Variants in HSPG2 observed in about 807,000 individuals in gnomAD.
HSPG2 encodes the protein heparan sulfate proteoglycan 2, also known as basement membrane-specific heparan sulfate proteoglycan core protein.
A neutral mutation model predicts 526.6 loss-of-function variants in HSPG2; 278 were observed. The observed-to-expected ratio is 0.53, with a 90% CI of 0.48 to 0.58. The LOEUF is 0.58. HSPG2 is among the 20% of genes least tolerant of loss of function. The pLI, the probability that HSPG2 is intolerant of heterozygous loss-of-function variation, is 0.00. For synonymous variants in HSPG2, 2,465 were observed against 2,555.4 expected, an observed-to-expected ratio of 0.96 and a Z score of 1.07; for missense variants, 5,354 against 6,099.5, an observed-to-expected ratio of 0.88 and a Z score of 4.07.
chr1:21,919,967 C>T (rs1405882322), intron 1 of HSPG2, among the ~76,000 whole-genome samples: 1 of 152,170 alleles, frequency 6.6e-6, no homozygotes, highest in Non-Finnish European at 1.5e-5. Flanking sequence ...AGTGCAGTGG[C>T]ACAATCTTGG....
At position 21,879,017 on chromosome 1, in the gene HSPG2, G is replaced by A. The variant is rs752512173; in HGVS notation, c.2448C>T (p.Cys816=). The A allele has an allele frequency of 4.3e-6, 7 of 1,613,952 alleles. No homozygotes were observed. The highest frequency in any genetic ancestry group is 2.2e-5 in the South Asian group (2 of 91,074). ...ATATSCRPCP[C]PYIDASRRFS... ...ACCTGCGGGAGGCATCGATGTATGGGCAAGGGCAGGGCCGGCAGGAAGTGG... is the reference window on the plus strand; with the variant it reads ...ACCTGCGGGAGGCATCGATGTATGGACAAGGGCAGGGCCGGCAGGAAGTGG... The change falls in exon 18 of 97, where the codon TGC becomes TGT. Residue 816 remains cysteine (C), a synonymous_variant. Transcript: ENST00000374695.
At chr1:21,846,632 C>T (rs765050437) in intron 62 of HSPG2, 33 bp from the exon 63 acceptor site, 17 of 1,612,980 alleles carry the variant, frequency 1.1e-5, no homozygotes, top group Admixed American at 8.3e-5. Context: ...GTCGGCACAG[C>T]CGTTGTCAGA....
At chr1:21,844,078 T>A in intron 65 of HSPG2, 70 bp downstream of exon 65, 1 of 1,588,980 alleles carries the variant, frequency 6.3e-7, no homozygotes, top group South Asian at 1.1e-5. Context: ...CCACTTTCCC[T>A]TCAACGCTGG....
Position 21,937,197 on chromosome 1 carries a change from G to T in HSPG2, c.21C>A (p.Gly7=), listed in dbSNP as rs1644513309. ...GCAGCAGCAGCGCCAGCAGCAGCGC[G>T]CCCGCCGCCCGCCACCCCATGGCCC... is the stretch of plus-strand genomic sequence containing the variant. The part of the protein sequence containing the change: MGWRAA[G]ALLLALLLHG... Residue 7 remains glycine (G), a synonymous_variant, in exon 1 of 97, where the codon GGC becomes GGA. Coordinates refer to ENST00000374695, the MANE Select transcript of HSPG2 (RefSeq NM_005529.7). 2.8e-6 allele frequency: 3 copies of T among 1,078,484 alleles called. No homozygotes were observed. The highest frequency in any genetic ancestry group is 2.6e-5 in the South Asian group (1 of 38,308). 66.8% of individuals were successfully genotyped at this position (1,078,484 alleles called of 1,614,324 possible).
chr1:21,908,612 G>A, intron 1 of HSPG2: 1 of 644,604 alleles, frequency 1.6e-6, no homozygotes, highest in Non-Finnish European at 2.8e-6. Context: ...AGACCTCTGG[G>A]CTGTTAAAAA....
chr1:21,850,326 T>G, intron 56 of HSPG2, 37 bp downstream of exon 56: 1 of 1,596,904 alleles, frequency 6.3e-7, no homozygotes, highest in Non-Finnish European at 8.5e-7. Flanking sequence ...CCTCCCACCC[T>G]GGGTCCCCAG....
Position 21,824,563 on chromosome 1 carries a change from T to G in HSPG2, c.12718A>C (p.Ser4240Arg). Residue 4240 changes from serine to arginine, a missense_variant, in exon 93 of 97, where the codon AGT (serine) becomes CGT (arginine). Ser to Arg is a moderately radical substitution (Grantham distance 110, BLOSUM62 -1). Transcript: ENST00000374695. The surrounding 1 kb of genome is among the most constrained non-coding windows in gnomAD (Gnocchi z 5.9). ...IELEVRTSTASGLLLWQGVEV... is the reference protein window; with the variant it reads ...IELEVRTSTARGLLLWQGVEV... ...ACACCCTGCCAGAGCAGGAGGCCAC[T>G]GGCTGTGCTGGTCCGAACCTCCAGC... 6.2e-7 allele frequency: 1 copy of G among 1,613,800 alleles called. No homozygotes were observed. The highest frequency in any genetic ancestry group is 8.5e-7 in the Non-Finnish European group (1 of 1,180,010).
chr1:21,893,874 GAA>G lies in HSPG2; in HGVS notation c.244+2046_244+2047del, dbSNP rs370998211. On this transcript the variant is annotated intron_variant, in intron 3 of 96. Transcript: ENST00000374695. This position sits in a 1 kb window ranked among gnomAD's most constrained non-coding sequence, Gnocchi z 4.3. ...GTGAAGAAAAAGGCAGAGGGAAAAA[GAA>G]AAAAAAAAAAGAACAGGCAGAGGGG... Among the ~76,000 whole-genome samples, 28 of 129,284 alleles carry G rather than the reference GAA, an allele frequency of 2.2e-4. No homozygotes were observed. Among genetic ancestry groups the G allele is most frequent in the African/African-American group, 6.0e-4 (21 of 35,120 alleles). 84.8% of individuals were successfully genotyped at this position (129,284 alleles called of 152,430 possible).
chr1:21,879,326 T>C (rs1037543390), intron 17 of HSPG2, among the ~76,000 whole-genome samples: 17 of 152,180 alleles, frequency 1.1e-4, no homozygotes, highest in African/African-American at 4.1e-4. Flanking sequence ...TGGTTCCAAA[T>C]GCCTGCTTTT....
Position 21,842,002 on chromosome 1 carries a change from C to G in HSPG2, c.9193G>C (p.Asp3065His), listed in dbSNP as rs778173589. 6.2e-7 allele frequency: 1 copy of G among 1,613,294 alleles called. No homozygotes were observed. Among genetic ancestry groups the G allele is most frequent in the Non-Finnish European group, 8.5e-7 (1 of 1,180,012 alleles). Residue 3065 changes from aspartate (D) to histidine (H), a missense_variant and splice_region_variant, in exon 69 of 97, where the codon GAC (aspartate) becomes CAC (histidine). Asp to His is a moderately conservative substitution (Grantham distance 81). Coordinates refer to ENST00000374695, the MANE Select transcript of HSPG2 (RefSeq NM_005529.7). ...CCACCTGCCCACCAGCCTGGCTCAC[C>G]CTCCAGCTCCTGGTTCCGGGTCTTC... ...EWKTRNQELE[D>H]NVHISPNGSI... is the part of the protein sequence containing the mutation.
In HSPG2 at chr1:21,864,326, G is replaced by T; in HGVS notation, c.4627-113C>A. The T allele has an allele frequency of 1.1e-6, 1 of 869,954 alleles. No individual in the cohort carries two copies. The highest frequency in any genetic ancestry group is 1.4e-5 in the South Asian group (1 of 69,446). 53.9% of individuals were successfully genotyped at this position (869,954 alleles called of 1,614,324 possible). On this transcript the variant is annotated intron_variant, in intron 36 of 96. Coordinates refer to ENST00000374695, the MANE Select transcript of HSPG2 (RefSeq NM_005529.7). The surrounding 1 kb of genome is among the most constrained non-coding windows in gnomAD (Gnocchi z 4.8). ...CCAGGGGTGACCCTGGAACATCACA[G>T]GCCGGCGCCCCTCCTTCCCCACTTC...
At chr1:21,842,974 G>A (rs950613347) in intron 66 of HSPG2, 53 bp from the exon 67 acceptor site, 1 of 1,604,498 alleles carries the variant, frequency 6.2e-7, no homozygotes, top group Non-Finnish European at 8.5e-7. Context: ...ATCAAGGCAG[G>A]GGCTGAAGGT....
At position 21,847,588 on chromosome 1, in the gene HSPG2, C is replaced by G; in HGVS notation, c.8026-96G>C. On this transcript the variant is annotated intron_variant, in intron 61 of 96. Coordinates refer to ENST00000374695, the MANE Select transcript of HSPG2 (RefSeq NM_005529.7). The surrounding 1 kb of genome is among the most constrained non-coding windows in gnomAD (Gnocchi z 4.1). ...CTTCCTGCTCAGCCTGTTGAGGCTG[C>G]TATCGGTCTACCCAGGGCCCAATCC... The G allele has an allele frequency of 1.2e-6, 2 of 1,604,240 alleles. No individual in the cohort carries two copies. The highest frequency in any genetic ancestry group is 1.7e-6 in the Non-Finnish European group (2 of 1,172,732).
At position 21,853,026 on chromosome 1, in the gene HSPG2, G is replaced by A. The variant is rs757056213; in HGVS notation, c.6484C>T (p.His2162Tyr). ...TCCAGGGTCTGCCCTTCCGCCACGT[G>A]TGAGGAGGAGGGCTCGATGCGGATG... ...RPIRIEPSSS[H>Y]VAEGQTLDLN... is the part of the protein sequence containing the mutation. The change falls in exon 51 of 97, where the codon CAC (histidine) becomes TAC (tyrosine). Residue 2162 changes from histidine (H) to tyrosine (Y), a missense_variant. Transcript: ENST00000374695. 3.5e-5 allele frequency: 57 copies of A among 1,613,816 alleles called. No individual in the cohort carries two copies. Among genetic ancestry groups the A allele is most frequent in the Non-Finnish European group, 4.6e-5 (54 of 1,179,962 alleles).
intron 1 of HSPG2, among the ~76,000 whole-genome samples, chr1:21,928,835 C>G (rs1043980452): frequency 1.3e-5 from 2 of 152,166 alleles, no homozygotes; most frequent in East Asian, 3.9e-4. Context: ...CCACAACCTC[C>G]GCCTCCCGGG....
intron 65 of HSPG2, among the ~76,000 whole-genome samples, chr1:21,843,887 C>T (rs1390090204): frequency 4.6e-5 from 7 of 152,204 alleles, no homozygotes; most frequent in South Asian, 2.1e-4. Context: ...CCACCTGCCT[C>T]GGCCTCCCAA....
intron 37 of HSPG2, among the ~76,000 whole-genome samples, chr1:21,862,593 A>G (rs539127377): frequency 2.0e-5 from 3 of 147,322 alleles, no homozygotes; most frequent in East Asian, 4.0e-4. Flanking sequence ...CAAAAAAAAA[A>G]AAAAGAAAAA....
rs1395571077 is a variant in HSPG2 at position 21,847,257 on chromosome 1, T to G, written c.8164+97A>C. 12 of 1,412,318 alleles carry G rather than the reference T, an allele frequency of 8.5e-6. No individual in the cohort carries two copies. The highest frequency in any genetic ancestry group is 1.2e-5 in the Non-Finnish European group (12 of 1,002,566). The allele number at this position is 1,412,318 out of a possible 1,614,324, so 87.5% of individuals were successfully genotyped here. A position where few individuals can be genotyped will look rare whatever the true frequency, so the allele number is the denominator to read the frequency against. Reference sequence around the variant, plus strand: ...ACGCATCTTTCCGCTGGCCCTTGCCTGAGTACCACCAGGTCTGAGGACTCT... The same window carrying G: ...ACGCATCTTTCCGCTGGCCCTTGCCGGAGTACCACCAGGTCTGAGGACTCT... On this transcript the variant is annotated intron_variant, in intron 62 of 96. Transcript: ENST00000374695. The surrounding 1 kb of genome is among the most constrained non-coding windows in gnomAD (Gnocchi z 4.1).
In HSPG2 at chr1:21,846,182, C is replaced by T. The variant is rs551483023; in HGVS notation, c.8390G>A (p.Gly2797Asp). 4 of 1,613,076 alleles carry T rather than the reference C, an allele frequency of 2.5e-6. No homozygotes were observed. The African/African-American group carries it at 4.0e-5, about 16-fold the overall frequency. Reference sequence around the variant, plus strand: ...TGAGGCCTCCAGGGGGCCAGAGCTGCCCATCACCCGGCACACGTATTCACC... The same window carrying T: ...TGAGGCCTCCAGGGGGCCAGAGCTGTCCATCACCCGGCACACGTATTCACC... Reference protein sequence around the residue: ...DSGEYVCRVMGSSGPLEASVL... With the variant: ...DSGEYVCRVMDSSGPLEASVL... Residue 2797 changes from glycine (G) to aspartate (D), a missense_variant, in exon 64 of 97, where the codon GGC becomes GAC. Coordinates refer to ENST00000374695, the MANE Select transcript of HSPG2 (RefSeq NM_005529.7).
Sources: allele counts gnomAD v4.1 joint callset (sites outside exome capture counted in the v4.1 genomes callset), GRCh38; gene constraint gnomAD v4.1.1; non-coding constraint Gnocchi (gnomAD v3.1); transcripts MANE v1.5; gene names NCBI Gene and HGNC (gene_info 2026-07-23, HGNC 2026-07-21).